LZTFL1: variants seen among roughly 807,000 people sequenced by gnomAD.
The protein encoded by LZTFL1 is leucine zipper transcription factor-like protein 1.
In LZTFL1, 25 loss-of-function variants were observed where a neutral mutation model predicts 45.9. That is an observed-to-expected ratio of 0.54 (90% confidence interval 0.40 to 0.76). The LOEUF (loss-of-function observed/expected upper bound fraction) is 0.76. Among genes scored for constraint, LZTFL1 ranks in the 30% least tolerant of loss-of-function variants. The pLI is 0.00. For synonymous variants in LZTFL1, 93 were observed against 117.4 expected (o/e 0.79, Z 1.35); for missense variants, 277 against 331.1 (o/e 0.84, Z 1.27).
intron 2 of LZTFL1, 37 bp downstream of exon 2, chr3:45,837,890 G>A: frequency 6.4e-7 from 1 of 1,556,456 alleles, no homozygotes; most frequent in Non-Finnish European, 8.6e-7. Flanking sequence ...AAGAATCCAT[G>A]TTCCTATTTG....
chr3:45,859,558 A>G (rs1418070833), intron 2 of LZTFL1, among the ~76,000 whole-genome samples: 1 of 152,190 alleles, frequency 6.6e-6, no homozygotes, highest in African/African-American at 2.4e-5. Flanking sequence ...AAAAAACACC[A>G]ATGAAGTAGT....
At chr3:45,861,002 A>T (rs1203039753) in intron 2 of LZTFL1, among the ~76,000 whole-genome samples, 2 of 152,048 alleles carry the variant, frequency 1.3e-5, no homozygotes, top group East Asian at 3.9e-4. Flanking sequence ...TTTAGTTAGG[A>T]TTATTTTTAG....
intron 2 of LZTFL1, among the ~76,000 whole-genome samples, chr3:45,887,582 G>A (rs1043225842): frequency 1.3e-5 from 2 of 152,198 alleles, no homozygotes; most frequent in Non-Finnish European, 2.9e-5. Context: ...GTGCTGAACC[G>A]GAAGGGCTGT....
chr3:45,831,111 C>T lies in LZTFL1; in HGVS notation c.484G>A (p.Glu162Lys). 2 of 1,601,390 alleles carry T rather than the reference C, an allele frequency of 1.2e-6. No homozygotes were observed. The highest frequency in any genetic ancestry group is 1.7e-6 in the Non-Finnish European group (2 of 1,174,856). The part of the protein sequence containing the change: ...KEILRLQEEN[E>K]KLKSRLKTIE... ...GTCTTCAACCTTGACTTCAATTTCT[C>T]ATTCTCTTCTTGAAGTCTTAAAATT... is the stretch of plus-strand genomic sequence containing the variant. Residue 162 changes from glutamate (E) to lysine (K), a missense_variant, in exon 6 of 10, where the codon GAG becomes AAG. Coordinates refer to ENST00000296135, the MANE Select transcript of LZTFL1 (RefSeq NM_020347.4).
At chr3:45,894,732 G>A (rs564726996) in intron 2 of LZTFL1, among the ~76,000 whole-genome samples, 9 of 152,182 alleles carry the variant, frequency 5.9e-5, no homozygotes, top group African/African-American at 2.2e-4. Flanking sequence ...ATTTCTGTGT[G>A]GACTACTCAG....
At chr3:45,839,468 C>G (rs760885501) in intron 1 of LZTFL1, among the ~76,000 whole-genome samples, 16 of 152,160 alleles carry the variant, frequency 1.1e-4, no homozygotes, top group Non-Finnish European at 2.4e-4. Flanking sequence ...ACTCTCTTAC[C>G]CTGTTTCCCA....
chr3:45,897,674 C>G (rs551725480), intron 2 of LZTFL1: 2 of 1,408,470 alleles, frequency 1.4e-6, no homozygotes, highest in African/African-American at 1.4e-5. Flanking sequence ...TTCCCACCTG[C>G]CCCCTCTCAT....
chr3:45,906,652 C>G (rs1418732611), intron 2 of LZTFL1, among the ~76,000 whole-genome samples: 1 of 152,250 alleles, frequency 6.6e-6, no homozygotes, highest in Non-Finnish European at 1.5e-5. Flanking sequence ...TGGCAAAGGA[C>G]AATGGTGTCA....
chr3:45,824,902 T>C lies in LZTFL1; in HGVS notation c.*1412A>G, dbSNP rs1575246702. The C allele has an allele frequency of 7.5e-6, 3 of 398,406 alleles. No individual in the cohort carries two copies. Among genetic ancestry groups the C allele is most frequent in the Admixed American group, 4.4e-5 (1 of 22,724 alleles). The allele number at this position is 398,406 out of a possible 1,614,324, so 24.7% of individuals were successfully genotyped here. A position where few individuals can be genotyped will look rare whatever the true frequency, so the allele number is the denominator to read the frequency against. Reference sequence around the variant, plus strand: ...GAGAGACAGGTGAGGAGAAAATACATAGTAAATGCTGGCTCGTTATTGCAT... The same window carrying C: ...GAGAGACAGGTGAGGAGAAAATACACAGTAAATGCTGGCTCGTTATTGCAT... On this transcript the variant is annotated 3_prime_UTR_variant, in exon 10 of 10. Transcript: ENST00000296135.
intron 9 of LZTFL1, among the ~76,000 whole-genome samples, 166 bp from the exon 10 acceptor site, chr3:45,826,498 T>C (rs1432070660): frequency 6.6e-6 from 1 of 152,224 alleles, no homozygotes; most frequent in Non-Finnish European, 1.5e-5. Flanking sequence ...AGGGGATTTT[T>C]ACATCAGGTA....
intron 4 of LZTFL1, among the ~76,000 whole-genome samples, chr3:45,854,714 G>T (rs1234261146): frequency 4.6e-5 from 7 of 152,188 alleles, no homozygotes; most frequent in Admixed American, 4.6e-4. Flanking sequence ...TAATCCATCA[G>T]TGTGTCTTGG....
At chr3:45,905,643 G>A (rs533484611) in intron 2 of LZTFL1, among the ~76,000 whole-genome samples, 2 of 152,326 alleles carry the variant, frequency 1.3e-5, no homozygotes, top group South Asian at 4.1e-4. Flanking sequence ...CCCAAGCCAG[G>A]CCTTCCCAGG....
chr3:45,896,321 C>G (rs761112100), intron 2 of LZTFL1, among the ~76,000 whole-genome samples: 1 of 152,208 alleles, frequency 6.6e-6, no homozygotes, highest in Non-Finnish European at 1.5e-5. Flanking sequence ...AAGAAGGAAA[C>G]TGCACCTCAG....
intron 4 of LZTFL1, 41 bp downstream of exon 4, chr3:45,834,197 C>T (rs1338148580): frequency 2.0e-5 from 23 of 1,149,880 alleles, no homozygotes; most frequent in Non-Finnish European, 2.5e-5. Context: ...ATTTTAAATA[C>T]TGGCTATTAA....
At chr3:45,913,041 G>A (rs1702828267) in intron 2 of LZTFL1, 3 of 1,356,062 alleles carry the variant, frequency 2.2e-6, no homozygotes, top group Non-Finnish European at 3.0e-6. Context: ...AATGAGAATG[G>A]TTTAGAGAAA....
intron 2 of LZTFL1, among the ~76,000 whole-genome samples, chr3:45,860,878 T>C (rs940649154): frequency 2.0e-5 from 3 of 152,166 alleles, no homozygotes; most frequent in Non-Finnish European, 4.4e-5. Flanking sequence ...AATCACATAT[T>C]TTTCCTGCTG....
At chr3:45,872,784 G>C (rs989099824) in intron 2 of LZTFL1, among the ~76,000 whole-genome samples, 1 of 152,228 alleles carries the variant, frequency 6.6e-6, no homozygotes, top group African/African-American at 2.4e-5. Context: ...CTCCTCTCAG[G>C]CTGATGGGGG....
At chr3:45,859,612 G>A (rs1701448871) in intron 2 of LZTFL1, among the ~76,000 whole-genome samples, 1 of 150,704 alleles carries the variant, frequency 6.6e-6, no homozygotes, top group African/African-American at 2.4e-5. Context: ...GAATGAAAGT[G>A]GATCTTTCAC....
At chr3:45,895,095 T>C in intron 2 of LZTFL1, 1 of 874,584 alleles carries the variant, frequency 1.1e-6, no homozygotes, top group Non-Finnish European at 1.9e-6. Flanking sequence ...CAATGCGCAT[T>C]GCTGGGTAGG....
Sources: allele counts gnomAD v4.1 joint callset (sites outside exome capture counted in the v4.1 genomes callset), GRCh38; gene constraint gnomAD v4.1.1; transcripts MANE v1.5; gene names NCBI Gene and HGNC (gene_info 2026-07-23, HGNC 2026-07-21).